The following AMPD2 variants were observed in gnomAD, a reference collection of about 807,000 sequenced individuals.
AMPD2 encodes AMP deaminase 2.
Under a neutral mutation model 91.3 loss-of-function variants are expected in AMPD2, and 52 were observed. That is an observed-to-expected ratio of 0.57 (90% CI 0.46 to 0.72). AMPD2 has a LOEUF of 0.72. Ranked by LOEUF, AMPD2 falls within the 30% of genes least tolerant of loss-of-function variation. AMPD2 has a pLI of 0.00. For missense variants in AMPD2, 822 were observed against 1,122.3 expected, an observed-to-expected ratio of 0.73 and a Z score of 3.82; for synonymous variants, 455 against 456.4, an observed-to-expected ratio of 1.00 and a Z score of 0.04.
Position 109,628,952 on chromosome 1 carries a change from G to T in AMPD2, c.1571+146G>T. 1 of 1,431,294 alleles carries T rather than the reference G, an allele frequency of 7.0e-7. No homozygotes were observed. The highest frequency in any genetic ancestry group is 1.4e-5 in the South Asian group (1 of 72,156). The allele number at this position is 1,431,294 out of a possible 1,614,324, so 88.7% of individuals were successfully genotyped here. A position where few individuals can be genotyped will look rare whatever the true frequency, so the allele number is the denominator to read the frequency against. On this transcript the variant is annotated intron_variant, in intron 13 of 18. Coordinates refer to ENST00000528667, the MANE Select transcript of AMPD2 (RefSeq NM_001368809.2). The surrounding 1 kb of genome is among the most constrained non-coding windows in gnomAD (Gnocchi z 7.1). Reference sequence around the variant, plus strand: ...GGAAGGGCTTCCTGGTCCCATCCATGGTCTGTCCAGCCTGGCCCACCTGGG... The same window carrying T: ...GGAAGGGCTTCCTGGTCCCATCCATTGTCTGTCCAGCCTGGCCCACCTGGG...
Position 109,620,254 on chromosome 1 carries a change from CG to C in AMPD2, c.-285del. ...AGACTTCTCGTGGGCAGCCTCCCCT[CG>C]GAACTCGGGCATCATGGCCTCAGGT... On this transcript the variant is annotated 5_prime_UTR_variant, in exon 1 of 19. Transcript: ENST00000528667. 1.2e-6 allele frequency: 2 copies of C among 1,614,112 alleles called. No individual in the cohort carries two copies. The highest frequency in any genetic ancestry group is 1.1e-5 in the South Asian group (1 of 91,084).
chr1:109,621,445 G>GGGC, intron 2 of AMPD2, 179 bp downstream of exon 2: 1 of 638,796 alleles, frequency 1.6e-6, no homozygotes, highest in Non-Finnish European at 2.8e-6. Flanking sequence ...GTGGTGGGGG[G>GGGC]CGGGGGGTGG....
rs1209271596 is a variant in AMPD2 at position 109,625,087 on chromosome 1, A to G, written c.92-216A>G. On this transcript the variant is annotated intron_variant, in intron 2 of 18. Transcript: ENST00000528667. The surrounding 1 kb of genome is among the most constrained non-coding windows in gnomAD (Gnocchi z 4.0). ...TTCTAGGGGCAGACTCAGAATCCCC[A>G]CCCCAAGCCTGGAATGGGTGAGGGG... is the stretch of plus-strand genomic sequence containing the variant. Among the ~76,000 whole-genome samples the G allele has an allele frequency of 6.6e-6, 1 of 151,916 alleles. No homozygotes were observed. Among genetic ancestry groups the G allele is most frequent in the Non-Finnish European group, 1.5e-5 (1 of 67,970 alleles).
At position 109,628,903 on chromosome 1, in the gene AMPD2, C is replaced by G. The variant is rs560674; in HGVS notation, c.1571+97C>G. 232,098 of 1,472,688 alleles carry G rather than the reference C, an allele frequency of 0.16. 18,842 individuals are homozygous for G. The highest frequency in any genetic ancestry group is 0.17 in the Non-Finnish European group (183,146 of 1,102,166). The allele number at this position is 1,472,688 out of a possible 1,614,324, so 91.2% of individuals were successfully genotyped here. ...CCTAGGATGGCTGAGCCTCCCTTGT[C>G]CCTGCCAACCCCTCTGAGTGCAAGG... On this transcript the variant is annotated intron_variant, in intron 13 of 18. Transcript: ENST00000528667. The surrounding 1 kb of genome is among the most constrained non-coding windows in gnomAD (Gnocchi z 7.1).
Position 109,624,668 on chromosome 1 carries a change from C to A in AMPD2, c.92-635C>A, listed in dbSNP as rs1023084254. On this transcript the variant is annotated intron_variant, in intron 2 of 18. Coordinates refer to ENST00000528667, the MANE Select transcript of AMPD2 (RefSeq NM_001368809.2). The surrounding 1 kb of genome is among the most constrained non-coding windows in gnomAD (Gnocchi z 5.2). ...GGGCCTCCAGGGAGGAGGTAGGGTT[C>A]CCTTGCCAACCAGGCCCTCCACTTC... Among the ~76,000 whole-genome samples the A allele has an allele frequency of 6.6e-6, 1 of 152,186 alleles. No homozygotes were observed. The highest frequency in any genetic ancestry group is 2.4e-5 in the African/African-American group (1 of 41,456).
intron 2 of AMPD2, chr1:109,623,723 C>T (rs1354779335): frequency 6.6e-6 from 1 of 152,452 alleles, no homozygotes; most frequent in East Asian, 1.9e-4. Context: ...TCACTGTCCC[C>T]TAGGGCAGTG....
At position 109,625,816 on chromosome 1, in the gene AMPD2, A is replaced by G. The variant is rs778126252; in HGVS notation, c.353+24A>G. The G allele has an allele frequency of 1.9e-6, 3 of 1,613,622 alleles. No homozygotes were observed. The African/African-American group carries it at 4.0e-5, about 22-fold the overall frequency. ...AAGTGAGCCCGGCAGGCAGCTGCTT[A>G]GTCTCCCTCCATACCCTTCCAGACC... On this transcript the variant is annotated intron_variant, in intron 4 of 18. Transcript: ENST00000528667. The surrounding 1 kb of genome is among the most constrained non-coding windows in gnomAD (Gnocchi z 4.0).
Position 109,628,453 on chromosome 1 carries a change from G to C in AMPD2, c.1365G>C (p.Thr455=). The C allele has an allele frequency of 2.5e-6, 4 of 1,613,328 alleles. No homozygotes were observed. Among genetic ancestry groups the C allele is most frequent in the Non-Finnish European group, 3.4e-6 (4 of 1,180,018 alleles). Residue 455 remains threonine, a synonymous_variant, in exon 12 of 19, where the codon ACG becomes ACC. Transcript: ENST00000528667. The surrounding 1 kb of genome is among the most constrained non-coding windows in gnomAD (Gnocchi z 7.1). The stretch of plus-strand genomic sequence containing the variant: ...TCCTCCGAGAGATCTTCATCAAGAC[G>C]GACAACAGGGTATCTGGGAAGTACT... ...ESVLREIFIK[T]DNRVSGKYFA...
chr1:109,629,996 C>G, intron 16 of AMPD2, 80 bp downstream of exon 16: 1 of 1,523,230 alleles, frequency 6.6e-7, no homozygotes, highest in Non-Finnish European at 8.9e-7. Flanking sequence ...GCAACCGATC[C>G]TCCTCCCACC....
Position 109,628,595 on chromosome 1 carries a change from C to CTCTGACTCAGCTCACCTCATG in AMPD2, c.1408-23_1408-3dup. 1.2e-6 allele frequency: 2 copies of CTCTGACTCAGCTCACCTCATG among 1,610,466 alleles called. No homozygotes were observed. The highest frequency in any genetic ancestry group is 1.7e-4 in the Middle Eastern group (1 of 6,020). The stretch of plus-strand genomic sequence containing the variant: ...GGTAGGCAGATGACCCCCTGAAGAG[C>CTCTGACTCAGCTCACCTCATG]TCTGACTCAGCTCACCTCATGTCTG... On this transcript the variant is annotated intron_variant, in intron 12 of 18. Transcript: ENST00000528667. This position sits in a 1 kb window ranked among gnomAD's most constrained non-coding sequence, Gnocchi z 7.1.
At chr1:109,627,340 G>A (rs1002653744) in intron 8 of AMPD2, 24 bp downstream of exon 8, 1 of 1,609,372 alleles carries the variant, frequency 6.2e-7, no homozygotes, top group Non-Finnish European at 8.5e-7. Context: ...GGTGCATGTT[G>A]GGGGGATGCA....
intron 1 of AMPD2, chr1:109,620,569 C>T (rs867028675): frequency 1.6e-6 from 2 of 1,252,448 alleles, no homozygotes; most frequent in African/African-American, 3.1e-5. Context: ...AGGCCCCTCC[C>T]TCCTGGGCTG....
intron 2 of AMPD2, among the ~76,000 whole-genome samples, chr1:109,622,866 T>C (rs1255076823): frequency 6.6e-6 from 1 of 152,086 alleles, no homozygotes; most frequent in African/African-American, 2.4e-5. Flanking sequence ...AGAAGTGGTC[T>C]GGGGCCATAT....
chr1:109,620,656 G>A, intron 1 of AMPD2: 1 of 1,203,354 alleles, frequency 8.3e-7, no homozygotes, highest in East Asian at 4.2e-5. Context: ...AGGAAAGTGG[G>A]TGCTGGGTTT....
rs1168080592 is a variant in AMPD2 at position 109,626,713 on chromosome 1, T to C, written c.532-13T>C. ...CAAGACTGAGGAGAGTGATCGCATA[T>C]CCTCATCTCCAGGTGCCGTTCACAG... is the stretch of plus-strand genomic sequence containing the variant. On this transcript the variant is annotated splice_polypyrimidine_tract_variant and intron_variant, in intron 6 of 18. Coordinates refer to ENST00000528667, the MANE Select transcript of AMPD2 (RefSeq NM_001368809.2). The C allele has an allele frequency of 1.2e-6, 2 of 1,609,274 alleles. No individual in the cohort carries two copies. The highest frequency in any genetic ancestry group is 2.2e-5 in the East Asian group (1 of 44,836).
At chr1:109,626,269 C>T (rs1183980008) in intron 5 of AMPD2, 41 bp downstream of exon 5, 5 of 1,612,914 alleles carry the variant, frequency 3.1e-6, no homozygotes, top group Non-Finnish European at 3.4e-6. Flanking sequence ...GGAGCTGCAG[C>T]CTGCCCTTCT....
At position 109,625,198 on chromosome 1, in the gene AMPD2, TC is replaced by T; in HGVS notation, c.92-102del. 6.7e-7 allele frequency: 1 copy of T among 1,495,750 alleles called. No individual in the cohort carries two copies. The allele number at this position is 1,495,750 out of a possible 1,614,324, so 92.7% of individuals were successfully genotyped here. A position where few individuals can be genotyped will look rare whatever the true frequency, so the allele number is the denominator to read the frequency against. On this transcript the variant is annotated intron_variant, in intron 2 of 18. Transcript: ENST00000528667. The surrounding 1 kb of genome is among the most constrained non-coding windows in gnomAD (Gnocchi z 4.0). ...GCTACTGAGGAGGGACTGCCCTCTT[TC>T]CCGACCCTGGGCTCTCTCGGGAGCT...
chr1:109,620,587 C>T, intron 1 of AMPD2: 2 of 1,230,904 alleles, frequency 1.6e-6, no homozygotes, highest in South Asian at 2.2e-5. Flanking sequence ...CTGGGATTCT[C>T]GGTTCTTCCC....
At position 109,625,273 on chromosome 1, in the gene AMPD2, C is replaced by A. The variant is rs771092662; in HGVS notation, c.92-30C>A. 31 of 1,609,578 alleles carry A rather than the reference C, an allele frequency of 1.9e-5. No individual in the cohort carries two copies. The East Asian group carries it at 6.5e-4, about 34-fold the overall frequency. Reference sequence around the variant, plus strand: ...GGGCTTTCAGGGGCTGCCCCTCCACCCTTTGACCCTGGCATCACTGTCTCT... The same window carrying A: ...GGGCTTTCAGGGGCTGCCCCTCCACACTTTGACCCTGGCATCACTGTCTCT... On this transcript the variant is annotated intron_variant, in intron 2 of 18. Transcript: ENST00000528667. The surrounding 1 kb of genome is among the most constrained non-coding windows in gnomAD (Gnocchi z 4.0).
Sources: allele counts gnomAD v4.1 joint callset (sites outside exome capture counted in the v4.1 genomes callset), GRCh38; gene constraint gnomAD v4.1.1; non-coding constraint Gnocchi (gnomAD v3.1); transcripts MANE v1.5; gene names NCBI Gene and HGNC (gene_info 2026-07-23, HGNC 2026-07-21).